Variants in ZCCHC7 observed in about 807,000 individuals in gnomAD.
ZCCHC7 encodes zinc finger CCHC-type containing 7.
In ZCCHC7, 35 loss-of-function variants were observed where a neutral mutation model predicts 52.0. That is an observed-to-expected ratio of 0.67 (90% CI 0.51 to 0.89). ZCCHC7 has a LOEUF of 0.89. Among genes scored for constraint, ZCCHC7 ranks in the 40% least tolerant of loss-of-function variants. The probability of loss-of-function intolerance (pLI) is 0.00; values close to 1 mark genes in which losing one functional copy is unlikely to be tolerated. For synonymous variants in ZCCHC7, 217 were observed against 221.5 expected (o/e 0.98, Z 0.18); for missense variants, 574 against 649.1 (o/e 0.88, Z 1.26).
intron 2 of ZCCHC7, among the ~76,000 whole-genome samples, chr9:37,179,366 A>G (rs924649232): frequency 6.6e-6 from 1 of 151,988 alleles, no homozygotes; most frequent in Non-Finnish European, 1.5e-5. Flanking sequence ...TTCCCAATTT[A>G]CCTGCCGTAA....
intron 2 of ZCCHC7, among the ~76,000 whole-genome samples, chr9:37,162,483 A>G (rs1821160354): frequency 6.6e-6 from 1 of 152,288 alleles, no homozygotes; most frequent in East Asian, 1.9e-4. Context: ...GTGGAATCAT[A>G]CAGTAGGGAC....
chr9:37,357,166 C>T lies in ZCCHC7; in HGVS notation c.1530C>T (p.Pro510=), dbSNP rs772508648. The part of the protein sequence containing the change: ...HYHTSREDKS[P]KEGKRGKQKK... ...ACACGTCAAGAGAAGACAAGTCTCC[C>T]AAGGAAGGCAAGAGGGGCAAGCAGA... Residue 510 remains proline, a synonymous_variant, in exon 9 of 9, where the codon CCC becomes CCT. Coordinates refer to ENST00000336755, the MANE Select transcript of ZCCHC7 (RefSeq NM_032226.3). 3.1e-6 allele frequency: 5 copies of T among 1,613,132 alleles called. No individual in the cohort carries two copies. In the Admixed American group the frequency reaches 6.7e-5, roughly 22 times the overall value.
chr9:37,126,257 C>G, intron 1 of ZCCHC7, 55 bp from the exon 2 acceptor site: 6 of 1,479,424 alleles, frequency 4.1e-6, no homozygotes, highest in Non-Finnish European at 5.4e-6. Flanking sequence ...GTTACTTAAA[C>G]TGGCATGATC....
intron 2 of ZCCHC7, among the ~76,000 whole-genome samples, chr9:37,228,142 T>G (rs1825212100): frequency 6.6e-6 from 1 of 152,194 alleles, no homozygotes; most frequent in Non-Finnish European, 1.5e-5. Context: ...CAGTGGACTA[T>G]GTACTGTATT....
intron 5 of ZCCHC7, among the ~76,000 whole-genome samples, chr9:37,312,948 C>G (rs140768956): frequency 9.6e-4 from 146 of 152,126 alleles, no homozygotes; most frequent in African/African-American, 3.4e-3. Flanking sequence ...AACAAAGTAA[C>G]TTAGATGTGT....
intron 2 of ZCCHC7, among the ~76,000 whole-genome samples, chr9:37,176,000 T>C (rs1056382838): frequency 1.3e-5 from 2 of 152,250 alleles, no homozygotes; most frequent in Non-Finnish European, 2.9e-5. Flanking sequence ...AGTGTAATGG[T>C]TGAATATGGC....
intron 2 of ZCCHC7, among the ~76,000 whole-genome samples, chr9:37,250,860 G>A (rs1826296805): frequency 6.6e-6 from 1 of 152,168 alleles, no homozygotes; most frequent in Non-Finnish European, 1.5e-5. Context: ...GAGTTACTTT[G>A]TAAAGTGATG....
rs1823966904 is a variant in ZCCHC7 at position 37,207,241 on chromosome 9, T to C, written c.610+80299T>C. Among the ~76,000 whole-genome samples, 7 of 152,242 alleles carry C rather than the reference T, an allele frequency of 4.6e-5. No individual in the cohort carries two copies. The South Asian group carries it at 1.2e-3, about 27-fold the overall frequency. On this transcript the variant is annotated intron_variant, in intron 2 of 8. Coordinates refer to ENST00000336755, the MANE Select transcript of ZCCHC7 (RefSeq NM_032226.3). ...ATTTTGCTTTCATTCTTAAATGATA[T>C]ATTTGGAGCATATAATCTCATTTGA...
chr9:37,180,300 AAC>A (rs1822278583), intron 2 of ZCCHC7, among the ~76,000 whole-genome samples: 1 of 152,166 alleles, frequency 6.6e-6, no homozygotes, highest in South Asian at 2.1e-4. Context: ...TAGATTTTTA[AAC>A]ACAGAATTCT....
intron 6 of ZCCHC7, among the ~76,000 whole-genome samples, chr9:37,338,527 C>A (rs2118436537): frequency 6.6e-6 from 1 of 152,210 alleles, no homozygotes; most frequent in Admixed American, 6.5e-5. Context: ...TATAAAATTT[C>A]AGTGTATCCA....
chr9:37,272,491 T>TTAAAA (rs1554722175), intron 2 of ZCCHC7, among the ~76,000 whole-genome samples: 3 of 97,824 alleles, frequency 3.1e-5, no homozygotes, highest in Non-Finnish European at 4.2e-5. Context: ...AGCTGTGTGG[T>TTAAAA]AAAAAAAAAA....
intron 2 of ZCCHC7, among the ~76,000 whole-genome samples, chr9:37,280,256 C>T (rs7855201): frequency 0.051 from 7,713 of 152,196 alleles, 638 homozygotes; most frequent in African/African-American, 0.17. Context: ...AGGATCTCCT[C>T]ATCATAGAGA....
intron 2 of ZCCHC7, among the ~76,000 whole-genome samples, chr9:37,149,360 AC>A (rs1039987782): frequency 2.6e-5 from 4 of 152,182 alleles, no homozygotes; most frequent in Non-Finnish European, 4.4e-5. Context: ...AATATCCCAA[AC>A]ATTGTACACT....
chr9:37,228,345 T>C (rs925994199), intron 2 of ZCCHC7, among the ~76,000 whole-genome samples: 1 of 152,160 alleles, frequency 6.6e-6, no homozygotes, highest in Non-Finnish European at 1.5e-5. Flanking sequence ...TTTTCAAAAT[T>C]TATTGTAAAG....
chr9:37,183,871 G>A (rs1009195425), intron 2 of ZCCHC7, among the ~76,000 whole-genome samples: 1 of 152,200 alleles, frequency 6.6e-6, no homozygotes, highest in Non-Finnish European at 1.5e-5. Flanking sequence ...GAGTCTACAC[G>A]CTGAACAACA....
intron 2 of ZCCHC7, among the ~76,000 whole-genome samples, chr9:37,254,841 T>TTTTTTTTTC (rs1554719700): frequency 1.4e-5 from 2 of 144,650 alleles, no homozygotes; most frequent in African/African-American, 5.1e-5. Context: ...AAGTTTCTTT[T>TTTTTTTTTC]TTTTTTTTTT....
At chr9:37,253,699 A>G (rs1004217400) in intron 2 of ZCCHC7, among the ~76,000 whole-genome samples, 1 of 152,026 alleles carries the variant, frequency 6.6e-6, no homozygotes, top group Non-Finnish European at 1.5e-5. Flanking sequence ...TAACATGAAT[A>G]TGAGAGGGAA....
At chr9:37,176,883 T>C (rs1209920176) in intron 2 of ZCCHC7, among the ~76,000 whole-genome samples, 1 of 152,212 alleles carries the variant, frequency 6.6e-6, no homozygotes, top group East Asian at 1.9e-4. Flanking sequence ...CAGACCAGCC[T>C]TTACTGTAGC....
At chr9:37,305,144 C>T (rs77352818) in intron 4 of ZCCHC7, among the ~76,000 whole-genome samples, 7,722 of 152,234 alleles carry the variant, frequency 0.051, 637 homozygotes, top group African/African-American at 0.17. Flanking sequence ...CAAATGACTG[C>T]TTTTCAAATA....
Sources: gnomAD v4.1 joint callset for allele counts (sites outside exome capture counted in the v4.1 genomes callset) on GRCh38, gnomAD v4.1.1 for gene constraint, MANE v1.5 for transcripts, NCBI Gene and HGNC (gene_info 2026-07-23, HGNC 2026-07-21) for gene names.